Variants in KIAA0232 observed in about 807,000 individuals in gnomAD.
KIAA0232 encodes the protein uncharacterized protein KIAA0232.
A neutral mutation model predicts 122.0 loss-of-function variants in KIAA0232; 27 were observed. The observed-to-expected ratio is 0.22, with a 90% CI of 0.16 to 0.31. KIAA0232 has a LOEUF of 0.31. Among genes scored for constraint, KIAA0232 ranks in the 10% least tolerant of loss-of-function variants. The pLI is 1.00. For missense variants in KIAA0232, 1,551 were observed against 1,634.2 expected (o/e 0.95, Z 0.88); for synonymous variants, 613 against 587.6 (o/e 1.04, Z -0.63).
intron 3 of KIAA0232, among the ~76,000 whole-genome samples, chr4:6,829,683 C>T (rs1188954702): frequency 1.3e-5 from 2 of 152,208 alleles, no homozygotes; most frequent in Middle Eastern, 3.2e-3. Context: ...GAACATTAAG[C>T]TTAGATCCTG....
At chr4:6,842,293 T>C (rs1719705484) in intron 4 of KIAA0232, 89 bp downstream of exon 4, 1 of 1,320,892 alleles carries the variant, frequency 7.6e-7, no homozygotes, top group East Asian at 2.5e-5. Context: ...CTCCAAAAAC[T>C]GGGAAAACAA....
At chr4:6,795,024 G>C (rs181940400) in intron 1 of KIAA0232, among the ~76,000 whole-genome samples, 1 of 152,252 alleles carries the variant, frequency 6.6e-6, no homozygotes, top group East Asian at 1.9e-4. Flanking sequence ...ACTAGAAGAG[G>C]TAAGCCAGAT....
Position 6,853,257 on chromosome 4 carries a change from G to A in KIAA0232, c.370-3907G>A, listed in dbSNP as rs1720390626. On this transcript the variant is annotated intron_variant, in intron 4 of 9. Transcript: ENST00000307659. ...ATGATCCTTTAAAAATTATAACCATGATAATAGAAATGAAAAACTCAATAG... is the reference window on the plus strand; with the variant it reads ...ATGATCCTTTAAAAATTATAACCATAATAATAGAAATGAAAAACTCAATAG... Among the ~76,000 whole-genome samples the A allele has an allele frequency of 2.0e-5, 3 of 152,260 alleles. No homozygotes were observed. The South Asian group carries it at 6.2e-4, about 32-fold the overall frequency.
intron 3 of KIAA0232, among the ~76,000 whole-genome samples, chr4:6,825,090 A>G (rs1718611271): frequency 6.6e-6 from 1 of 152,186 alleles, no homozygotes. Flanking sequence ...CAAATTTAAT[A>G]TTGTATTTTA....
At chr4:6,785,240 T>G (rs978421618) in intron 1 of KIAA0232, among the ~76,000 whole-genome samples, 1 of 152,154 alleles carries the variant, frequency 6.6e-6, no homozygotes, top group Non-Finnish European at 1.5e-5. Context: ...CCTGGCTGAT[T>G]AGATGGATTT....
At chr4:6,800,652 GCC>G (rs1221797756) in intron 1 of KIAA0232, among the ~76,000 whole-genome samples, 1 of 151,642 alleles carries the variant, frequency 6.6e-6, no homozygotes, top group Non-Finnish European at 1.5e-5. Flanking sequence ...CTGCACTGCA[GCC>G]TGGGCGACAG....
rs1248662666 is a variant in KIAA0232, at chr4:6,830,975, CA to C, written c.231+6297del. Among the ~76,000 whole-genome samples the C allele has an allele frequency of 6.6e-5, 10 of 151,858 alleles. No homozygotes were observed. The East Asian group carries it at 1.9e-3, about 29-fold the overall frequency. ...GAGTAAGTAGGGTGCTGAACCACCC[CA>C]AAAAAGTCCTGTCTAACTACCTTTG... On this transcript the variant is annotated intron_variant, in intron 3 of 9. Coordinates refer to ENST00000307659, the MANE Select transcript of KIAA0232 (RefSeq NM_014743.3).
At chr4:6,826,345 A>T (rs1718683452) in intron 3 of KIAA0232, among the ~76,000 whole-genome samples, 2 of 152,190 alleles carry the variant, frequency 1.3e-5, no homozygotes, top group Middle Eastern at 3.2e-3. Context: ...GAGCTCTGTT[A>T]TCATCTTTCT....
chr4:6,818,679 A>C (rs914612133), intron 2 of KIAA0232, among the ~76,000 whole-genome samples: 1 of 152,100 alleles, frequency 6.6e-6, no homozygotes, highest in Non-Finnish European at 1.5e-5. Flanking sequence ...TGTTCCCATC[A>C]AACTACTAAT....
chr4:6,870,699 A>G (rs896753853), intron 7 of KIAA0232, among the ~76,000 whole-genome samples: 1 of 152,050 alleles, frequency 6.6e-6, no homozygotes, highest in East Asian at 1.9e-4. Context: ...CTACTCAGGA[A>G]GCTAAGGCAC....
chr4:6,805,890 T>G (rs1359655248), intron 2 of KIAA0232, among the ~76,000 whole-genome samples: 1 of 152,206 alleles, frequency 6.6e-6, no homozygotes, highest in African/African-American at 2.4e-5. Flanking sequence ...TTTTTAAATT[T>G]CTAAAATTTA....
intron 3 of KIAA0232, among the ~76,000 whole-genome samples, chr4:6,836,755 G>C (rs1404082680): frequency 2.6e-5 from 4 of 151,834 alleles, no homozygotes; most frequent in Non-Finnish European, 4.4e-5. Context: ...TGACTCTTAA[G>C]GAGCATGCTG....
chr4:6,871,818 C>T (rs1259955093), intron 8 of KIAA0232, 136 bp downstream of exon 8: 1 of 616,980 alleles, frequency 1.6e-6, no homozygotes, highest in African/African-American at 1.9e-5. Context: ...TTGTCATGCA[C>T]TGGGGACACA....
At chr4:6,813,397 CTG>C in intron 2 of KIAA0232, among the ~76,000 whole-genome samples, 1 of 149,918 alleles carries the variant, frequency 6.7e-6, no homozygotes, top group Admixed American at 6.7e-5. Flanking sequence ...GAGTCTCGCT[CTG>C]TTGCCCAGGC....
chr4:6,795,996 T>C (rs1024262960), intron 1 of KIAA0232, among the ~76,000 whole-genome samples: 2 of 152,190 alleles, frequency 1.3e-5, no homozygotes, highest in African/African-American at 4.8e-5. Context: ...CCTGGAAAGC[T>C]GGGAAGAGGA....
intron 2 of KIAA0232, among the ~76,000 whole-genome samples, chr4:6,817,676 T>G (rs1013661670): frequency 6.6e-6 from 1 of 152,202 alleles, no homozygotes; most frequent in Non-Finnish European, 1.5e-5. Context: ...AGATACAGTT[T>G]ATCTTAGGTC....
rs1035696194 is a variant in KIAA0232, at chr4:6,819,348, C to T, written c.-269-4837C>T. 2.0e-5 allele frequency among the ~76,000 whole-genome samples: 3 copies of T among 151,884 alleles called. 1 individual carries two copies. The highest frequency in any genetic ancestry group is 1.3e-4 in the Admixed American group (2 of 15,238). The stretch of plus-strand genomic sequence containing the variant: ...CCTACAGAATAGGAGAAAATATTTG[C>T]AAACTGTGCATCTGACACAGGTCCA... On this transcript the variant is annotated intron_variant, in intron 2 of 9. Coordinates refer to ENST00000307659, the MANE Select transcript of KIAA0232 (RefSeq NM_014743.3).
chr4:6,852,210 T>C (rs1720324693), intron 4 of KIAA0232, among the ~76,000 whole-genome samples: 1 of 152,140 alleles, frequency 6.6e-6, no homozygotes, highest in South Asian at 2.1e-4. Context: ...TGTTCAAGGA[T>C]AGGAATCACA....
chr4:6,809,115 G>T (rs1383466912), intron 2 of KIAA0232, among the ~76,000 whole-genome samples: 1 of 152,154 alleles, frequency 6.6e-6, no homozygotes, highest in African/African-American at 2.4e-5. Flanking sequence ...ATTGCCAGTT[G>T]GGTGTTAGTG....
Sources: allele counts gnomAD v4.1 joint callset (sites outside exome capture counted in the v4.1 genomes callset), GRCh38; gene constraint gnomAD v4.1.1; transcripts MANE v1.5; gene names NCBI Gene and HGNC (gene_info 2026-07-23, HGNC 2026-07-21).